NBAS: variants seen among roughly 807,000 people sequenced by gnomAD.
NBAS encodes the protein NBAS subunit of NRZ tethering complex.
NBAS carries 219 observed loss-of-function variants against 302.5 expected under a neutral mutation model. That is an observed-to-expected ratio of 0.72 (90% CI 0.65 to 0.81). The LOEUF is 0.81. Ranked by LOEUF, NBAS falls within the 30% of genes least tolerant of loss-of-function variation. The pLI is 0.00. For synonymous variants in NBAS, 1,118 were observed against 1,021.6 expected, an observed-to-expected ratio of 1.09 and a Z score of -1.80; for missense variants, 2,932 against 2,841.6, an observed-to-expected ratio of 1.03 and a Z score of -0.72.
the NBAS span, among the ~76,000 whole-genome samples, chr2:15,059,579 C>T: frequency 6.6e-6 from 1 of 152,068 alleles, no homozygotes; most frequent in African/African-American, 2.4e-5. Context: ...ACCCTGGGAG[C>T]CCAACACAGC....
chr2:15,067,971 A>G, the NBAS span, among the ~76,000 whole-genome samples: 1 of 152,252 alleles, frequency 6.6e-6, no homozygotes, highest in African/African-American at 2.4e-5. Flanking sequence ...AAAAAGAAAA[A>G]AGAAAAAGGG....
At chr2:15,434,312 T>C (rs1319611298) in intron 21 of NBAS, among the ~76,000 whole-genome samples, 1 of 151,948 alleles carries the variant, frequency 6.6e-6, no homozygotes, top group African/African-American at 2.4e-5. Flanking sequence ...ACATGAGAAG[T>C]CACTGGTATG....
At chr2:15,089,281 C>T in the NBAS span, among the ~76,000 whole-genome samples, 15 of 152,138 alleles carry the variant, frequency 9.9e-5, no homozygotes, top group Non-Finnish European at 1.8e-4. Context: ...GCACCTAGCC[C>T]CCTTCAGGAA....
chr2:15,046,336 C>T, the NBAS span, among the ~76,000 whole-genome samples: 1 of 152,152 alleles, frequency 6.6e-6, no homozygotes, highest in African/African-American at 2.4e-5. Flanking sequence ...TATTCCAATT[C>T]ATATAGTCTT....
the NBAS span, among the ~76,000 whole-genome samples, chr2:14,896,241 G>T: frequency 6.6e-6 from 1 of 151,916 alleles, no homozygotes; most frequent in Non-Finnish European, 1.5e-5. Flanking sequence ...GCCTCACTTT[G>T]CCCTCAAAAT....
the NBAS span, among the ~76,000 whole-genome samples, chr2:15,123,848 C>G: frequency 6.6e-6 from 1 of 152,120 alleles, no homozygotes; most frequent in Non-Finnish European, 1.5e-5. Flanking sequence ...AACACAAAAA[C>G]AGACTGATAC....
the NBAS span, among the ~76,000 whole-genome samples, chr2:14,815,432 C>T: frequency 1.6e-4 from 25 of 152,204 alleles, no homozygotes; most frequent in African/African-American, 5.5e-4. Flanking sequence ...GTTCCTGGCA[C>T]TCACACTTTG....
intron 27 of NBAS, among the ~76,000 whole-genome samples, chr2:15,395,887 T>C (rs1162998242): frequency 1.3e-5 from 2 of 152,136 alleles, no homozygotes; most frequent in Admixed American, 1.3e-4. Flanking sequence ...AGAGATAGTT[T>C]AACATTTTAT....
the NBAS span, among the ~76,000 whole-genome samples, chr2:14,843,450 A>T: frequency 6.6e-6 from 1 of 152,246 alleles, no homozygotes; most frequent in East Asian, 1.9e-4. Flanking sequence ...GTTAGAACTG[A>T]TAAACAAATT....
At chr2:15,003,219 G>A in the NBAS span, among the ~76,000 whole-genome samples, 1 of 152,362 alleles carries the variant, frequency 6.6e-6, no homozygotes, top group Non-Finnish European at 1.5e-5. Context: ...GGACATGAAT[G>A]TTGGTAAGGG....
rs549630416 is a variant in NBAS, at chr2:15,549,006, T to C, written c.379+2487A>G. Among the ~76,000 whole-genome samples the C allele has an allele frequency of 5.9e-5, 9 of 152,274 alleles. No homozygotes were observed. In the East Asian group the frequency reaches 1.5e-3, roughly 26 times the overall value. On this transcript the variant is annotated intron_variant, in intron 6 of 51. Coordinates refer to ENST00000281513, the MANE Select transcript of NBAS (RefSeq NM_015909.4). ...AAAAAATGAACTGTATTCCAGTCAATAGCAAACAACTGACAGATTTCAGGT... is the reference window on the plus strand; with the variant it reads ...AAAAAATGAACTGTATTCCAGTCAACAGCAAACAACTGACAGATTTCAGGT...
rs187701547 is a variant in NBAS at position 15,194,658 on chromosome 2, T to C, written c.6433-4255A>G. ...TGGGTAAATACAATAGACTGTTCTT[T>C]TCCACATACATGTTCTAAATCATAT... On this transcript the variant is annotated intron_variant, in intron 48 of 51. Transcript: ENST00000281513. Among the ~76,000 whole-genome samples the C allele has an allele frequency of 2.0e-5, 3 of 152,268 alleles. No individual in the cohort carries two copies. The East Asian group carries it at 5.8e-4, about 29-fold the overall frequency.
At chr2:15,497,589 G>A (rs562941366) in intron 11 of NBAS, among the ~76,000 whole-genome samples, 2 of 152,236 alleles carry the variant, frequency 1.3e-5, no homozygotes, top group East Asian at 3.9e-4. Flanking sequence ...GTTTTGTTTT[G>A]GAAATGTTTG....
intron 15 of NBAS, 98 bp from the exon 16 acceptor site, chr2:15,473,445 T>A: frequency 6.8e-7 from 1 of 1,468,514 alleles, no homozygotes; most frequent in Non-Finnish European, 9.3e-7. Flanking sequence ...CTTGGACTTA[T>A]CCAGCATGTC....
the NBAS span, among the ~76,000 whole-genome samples, chr2:15,063,526 T>G: frequency 6.6e-6 from 1 of 152,176 alleles, no homozygotes; most frequent in Non-Finnish European, 1.5e-5. Context: ...TGGACCAAAT[T>G]GTTTCCCCTT....
At chr2:14,902,555 T>C in the NBAS span, among the ~76,000 whole-genome samples, 2 of 152,230 alleles carry the variant, frequency 1.3e-5, no homozygotes, top group Admixed American at 1.3e-4. Flanking sequence ...GTAGAATATC[T>C]GTGCAAACAT....
chr2:15,301,387 A>G (rs184166730), intron 40 of NBAS, among the ~76,000 whole-genome samples: 2 of 152,372 alleles, frequency 1.3e-5, no homozygotes, highest in East Asian at 3.9e-4. Context: ...ACTTTAAGAC[A>G]GCTGTTTAGA....
Position 15,536,512 on chromosome 2 carries a change from C to T in NBAS, c.553G>A (p.Gly185Arg). The T allele has an allele frequency of 6.2e-7, 1 of 1,612,430 alleles. No individual in the cohort carries two copies. The highest frequency in any genetic ancestry group is 2.2e-5 in the East Asian group (1 of 44,846). Reference sequence around the variant, plus strand: ...GCTTTATATTCTAAAAATATCAACCCAGCAATGGCATAGCTTAAGTCACCT... The same window carrying T: ...GCTTTATATTCTAAAAATATCAACCTAGCAATGGCATAGCTTAAGTCACCT... Reference protein sequence around the residue: ...FIGDLSYAIAGLIFLEYKASA... With the variant: ...FIGDLSYAIARLIFLEYKASA... Residue 185 changes from glycine to arginine, a missense_variant, in exon 8 of 52, where the codon GGG (glycine) becomes AGG (arginine). Physicochemically the swap from Gly to Arg is moderately radical, Grantham distance 125. Transcript: ENST00000281513.
chr2:14,937,562 G>C, the NBAS span, among the ~76,000 whole-genome samples: 1 of 152,098 alleles, frequency 6.6e-6, no homozygotes, highest in Non-Finnish European at 1.5e-5. Context: ...TGGAGTAATG[G>C]GAATCGCTGG....
Sources: gnomAD v4.1 joint callset for allele counts (sites outside exome capture counted in the v4.1 genomes callset) on GRCh38, gnomAD v4.1.1 for gene constraint, MANE v1.5 for transcripts, NCBI Gene and HGNC (gene_info 2026-07-23, HGNC 2026-07-21) for gene names.